Variants in CACNA1S observed in about 807,000 individuals in gnomAD.
CACNA1S encodes the protein calcium voltage-gated channel subunit alpha1 S.
Under a neutral mutation model 207.4 loss-of-function variants are expected in CACNA1S, and 126 were observed. The ratio of observed to expected loss-of-function variants is 0.61; its 90% CI spans 0.53 to 0.70. CACNA1S has a LOEUF of 0.70. Among genes scored for constraint, CACNA1S ranks in the 30% least tolerant of loss-of-function variants. The pLI, the probability that CACNA1S is intolerant of heterozygous loss-of-function variation, is 0.00. For missense variants in CACNA1S, 2,349 were observed against 2,422.8 expected (o/e 0.97, Z 0.64); for synonymous variants, 960 against 932.7 (o/e 1.03, Z -0.53).
chr1:201,084,006 A>C (rs1361475574), intron 9 of CACNA1S, among the ~76,000 whole-genome samples: 1 of 152,214 alleles, frequency 6.6e-6, no homozygotes, highest in Non-Finnish European at 1.5e-5. Flanking sequence ...GAGGGGAAAA[A>C]TTAACTACAT....
intron 2 of CACNA1S, among the ~76,000 whole-genome samples, chr1:201,098,136 A>T (rs758343983): frequency 6.6e-6 from 1 of 152,196 alleles, no homozygotes; most frequent in Non-Finnish European, 1.5e-5. Flanking sequence ...ATATAACATC[A>T]TTGAGAGCAG....
chr1:201,054,481 C>T lies in CACNA1S; in HGVS notation c.3666+24G>A, dbSNP rs555355072. ...GGCAGGAGCTGGTGAGCGTGCCAGGCAGGCTCGTGCAGCCTGAAATTACAA... is the reference window on the plus strand; with the variant it reads ...GGCAGGAGCTGGTGAGCGTGCCAGGTAGGCTCGTGCAGCCTGAAATTACAA... On this transcript the variant is annotated intron_variant, in intron 29 of 43. Transcript: ENST00000362061. 1.6e-5 allele frequency: 25 copies of T among 1,612,372 alleles called. No individual in the cohort carries two copies. The South Asian group carries it at 2.6e-4, about 17-fold the overall frequency.
chr1:201,047,391 T>A (rs1660505076), intron 37 of CACNA1S, 134 bp downstream of exon 37: 1 of 1,256,070 alleles, frequency 8.0e-7, no homozygotes, highest in Non-Finnish European at 1.1e-6. Context: ...TGAGGTTGGA[T>A]GCCCGTGGGA....
rs113791888 is a variant in CACNA1S, at chr1:201,108,834, T to C, written c.258+1330A>G. On this transcript the variant is annotated intron_variant, in intron 2 of 43. Transcript: ENST00000362061. ...CAGTTTCAGTGCAGGAAAAAAGCCC[T>C]GTTGAAAAGGTGGTTCCATTGTTCT... 5.2e-3 allele frequency among the ~76,000 whole-genome samples: 794 copies of C among 152,340 alleles called. 3 individuals are homozygous for C. The highest frequency in any genetic ancestry group is 0.018 in the African/African-American group (765 of 41,570).
chr1:201,089,179 T>C, intron 6 of CACNA1S, 79 bp downstream of exon 6: 1 of 1,387,482 alleles, frequency 7.2e-7, no homozygotes, highest in Non-Finnish European at 1.0e-6. Context: ...CTGTGTGGAC[T>C]GGCAAGCCCT....
Position 201,047,189 on chromosome 1 carries a change from G to T in CACNA1S, c.4594C>A (p.His1532Asn), listed in dbSNP as rs780712094. ...TGGCGTTTCATGAACTTCCGGAAGT[G>T]CTCCTGGATGAGGAATGTGGCGTAG... ...KFYATFLIQE[H>N]FRKFMKRQEE... The change falls in exon 38 of 44, where the codon CAC becomes AAC. Residue 1532 changes from histidine (H) to asparagine (N), a missense_variant. Coordinates refer to ENST00000362061, the MANE Select transcript of CACNA1S (RefSeq NM_000069.3). 1.2e-6 allele frequency: 2 copies of T among 1,614,126 alleles called. No individual in the cohort carries two copies. The highest frequency in any genetic ancestry group is 1.1e-5 in the South Asian group (1 of 91,082).
intron 43 of CACNA1S, 33 bp downstream of exon 43, chr1:201,040,198 G>T (rs746352583): frequency 5.6e-6 from 9 of 1,612,548 alleles, no homozygotes; most frequent in Non-Finnish European, 7.6e-6. Context: ...ACCACTCAAT[G>T]CAGCCACTGC....
At chr1:201,103,416 AAAGGCTTTCCTCC>A (rs148656157) in intron 2 of CACNA1S, among the ~76,000 whole-genome samples, 21,077 of 151,776 alleles carry the variant, frequency 0.14, 1,573 homozygotes, top group Admixed American at 0.21. Context: ...AAGCTTGGGC[AAAGGCTTTCCTCC>A]AAGGCTTTCC....
At chr1:201,047,989 G>T (rs1240919070) in intron 36 of CACNA1S, among the ~76,000 whole-genome samples, 2 of 152,220 alleles carry the variant, frequency 1.3e-5, no homozygotes, top group African/African-American at 4.8e-5. Context: ...GCTCCTTCCT[G>T]ACTTCTGGTC....
rs147693682 is a variant in CACNA1S, at chr1:201,075,865, C to T, written c.1828-250G>A. ...GGTGGATCATTCGAGGTCAGGAATTCGAGACCAGCTTGGCCAACATGGTGA... is the reference window on the plus strand; with the variant it reads ...GGTGGATCATTCGAGGTCAGGAATTTGAGACCAGCTTGGCCAACATGGTGA... On this transcript the variant is annotated intron_variant, in intron 12 of 43. Transcript: ENST00000362061. 2.2e-3 allele frequency among the ~76,000 whole-genome samples: 330 copies of T among 152,190 alleles called. 1 individual carries two copies. The highest frequency in any genetic ancestry group is 7.5e-3 in the African/African-American group (312 of 41,512).
chr1:201,087,915 G>T lies in CACNA1S; in HGVS notation c.915C>A (p.Ile305=). 6.2e-7 allele frequency: 1 copy of T among 1,611,792 alleles called. No homozygotes were observed. Among genetic ancestry groups the T allele is most frequent in the Non-Finnish European group, 8.5e-7 (1 of 1,178,164 alleles). Residue 305 remains isoleucine (I), a synonymous_variant, in exon 7 of 44, where the codon ATC becomes ATA. Coordinates refer to ENST00000362061, the MANE Select transcript of CACNA1S (RefSeq NM_000069.3). ...TDVLYWVNDA[I]GNEWPWIYFV... The stretch of plus-strand genomic sequence containing the variant: ...AATAGATCCAGGGCCACTCATTCCC[G>T]ATGGCATCATTGACCTGGTCAGGAC...
Position 201,046,543 on chromosome 1 carries a change from CT to C in CACNA1S, c.4668+571del, listed in dbSNP as rs112943716. On this transcript the variant is annotated intron_variant, in intron 38 of 43. Transcript: ENST00000362061. The stretch of plus-strand genomic sequence containing the variant: ...TCACCTTTCTTTAGAGAGAACTGTT[CT>C]TTTTTTTTTTTCTTTTGAGACACAG... 7.8e-4 allele frequency among the ~76,000 whole-genome samples: 113 copies of C among 145,178 alleles called. 1 individual carries two copies. The highest frequency in any genetic ancestry group is 7.5e-3 in the Middle Eastern group (2 of 268).
chr1:201,107,495 G>A (rs1315632641), intron 2 of CACNA1S, among the ~76,000 whole-genome samples: 1 of 152,226 alleles, frequency 6.6e-6, no homozygotes, highest in African/African-American at 2.4e-5. Context: ...TGGGAAATGT[G>A]TCTATTTGGT....
At chr1:201,075,449 A>AACCCCTTTTTTC in intron 13 of CACNA1S, 46 bp downstream of exon 13, 1 of 1,063,654 alleles carries the variant, frequency 9.4e-7, no homozygotes, top group Non-Finnish European at 1.3e-6. Context: ...CCTTTCCCCC[A>AACCCCTTTTTTC]CCCCCTCCCT....
rs144563050 is a variant in CACNA1S at position 201,077,580 on chromosome 1, G to T, written c.1619+299C>A. Among the ~76,000 whole-genome samples, 563 of 152,008 alleles carry T rather than the reference G, an allele frequency of 3.7e-3. 3 individuals are homozygous for T. The highest frequency in any genetic ancestry group is 5.3e-3 in the Non-Finnish European group (362 of 67,968). ...CACCCCTTTCCCTACAGCTCTTCCTGTCCTCCTTCCCTCTTCCCATCTTTC... is the reference window on the plus strand; with the variant it reads ...CACCCCTTTCCCTACAGCTCTTCCTTTCCTCCTTCCCTCTTCCCATCTTTC... On this transcript the variant is annotated intron_variant, in intron 11 of 43. Transcript: ENST00000362061.
intron 16 of CACNA1S, among the ~76,000 whole-genome samples, chr1:201,071,765 T>A (rs78376037): frequency 2.6e-5 from 4 of 152,232 alleles, no homozygotes; most frequent in Admixed American, 1.3e-4. Flanking sequence ...CAAAATGAGT[T>A]ATTCTAAAAC....
At chr1:201,107,458 A>G (rs577583979) in intron 2 of CACNA1S, among the ~76,000 whole-genome samples, 7 of 152,344 alleles carry the variant, frequency 4.6e-5, no homozygotes, top group Middle Eastern at 6.8e-3. Context: ...TTACTTGTTT[A>G]ATCCATGTAA....
chr1:201,050,301 C>T (rs1206301632), intron 34 of CACNA1S, 88 bp downstream of exon 34: 15 of 1,414,730 alleles, frequency 1.1e-5, no homozygotes, highest in Admixed American at 3.4e-5. Context: ...CCCACTCATA[C>T]TGAATAAACT....
At chr1:201,072,850 A>T in intron 15 of CACNA1S, 26 bp from the exon 16 acceptor site, 2 of 1,594,300 alleles carry the variant, frequency 1.3e-6, no homozygotes, top group Non-Finnish European at 1.7e-6. Flanking sequence ...CAATGACTAT[A>T]ACAATGAAAA....
Sources: allele counts gnomAD v4.1 joint callset (sites outside exome capture counted in the v4.1 genomes callset), GRCh38; gene constraint gnomAD v4.1.1; transcripts MANE v1.5; gene names NCBI Gene and HGNC (gene_info 2026-07-23, HGNC 2026-07-21).